Variants in ADRA1A observed in about 807,000 individuals in gnomAD.
ADRA1A encodes adrenoceptor alpha 1A.
In ADRA1A, 31 loss-of-function variants were observed where a neutral mutation model predicts 29.6. The observed-to-expected ratio is 1.05, with a 90% CI of 0.79 to 1.41. The LOEUF is 1.41. Ranked by LOEUF, ADRA1A falls within the 40% of genes most tolerant of loss-of-function variation. The pLI is 0.00. For missense variants in ADRA1A, 619 were observed against 601.1 expected, an observed-to-expected ratio of 1.03 and a Z score of -0.31; for synonymous variants, 311 against 254.3, an observed-to-expected ratio of 1.22 and a Z score of -2.12.
In ADRA1A at chr8:26,756,819, C is replaced by T. The variant is rs771249736; in HGVS notation, c.1270-40G>A. 80 of 1,601,650 alleles carry T rather than the reference C, an allele frequency of 5.0e-5. 1 individual carries two copies. The South Asian group carries it at 7.2e-4, about 14-fold the overall frequency. ...GTAGACTAACATTTAATTAATCATG[C>T]ATTTTTAATATCCTAGGCATCATGC... is the stretch of plus-strand genomic sequence containing the variant. On this transcript the variant is annotated intron_variant, in intron 2 of 2. Transcript: ENST00000380582.
downstream of ADRA1A, among the ~76,000 whole-genome samples, chr8:26,766,629 G>A (rs200014871): frequency 6.6e-6 from 1 of 152,150 alleles, no homozygotes; most frequent in Admixed American, 6.6e-5. Flanking sequence ...TAATCCAAAT[G>A]GGAAAACGTT....
intron 2 of ADRA1A, among the ~76,000 whole-genome samples, chr8:26,822,030 C>T (rs1348823993): frequency 6.6e-6 from 1 of 152,136 alleles, no homozygotes; most frequent in Admixed American, 6.6e-5. Context: ...GGGGCTATTA[C>T]AAATAAAGCT....
In ADRA1A at chr8:26,841,937, G is replaced by T. The variant is rs1429980313; in HGVS notation, c.883+22150C>A. On this transcript the variant is annotated intron_variant, in intron 2 of 2. Coordinates refer to ENST00000380573, the MANE Select transcript of ADRA1A (RefSeq NM_000680.4). The surrounding 1 kb of genome is among the most constrained non-coding windows in gnomAD (Gnocchi z 4.4). ...GAGTCTCCCACTTTTCCAAAACGTT[G>T]TGCAAGTTCTGCTTGTTTTTTCTTC... Among the ~76,000 whole-genome samples, 1 of 152,086 alleles carries T rather than the reference G, an allele frequency of 6.6e-6. No homozygotes were observed. Among genetic ancestry groups the T allele is most frequent in the Non-Finnish European group, 1.5e-5 (1 of 68,022 alleles).
chr8:26,755,538 A>G (rs977074500), downstream of ADRA1A, among the ~76,000 whole-genome samples: 4 of 152,156 alleles, frequency 2.6e-5, no homozygotes, highest in Non-Finnish European at 5.9e-5. Context: ...CACACGCCTG[A>G]GGTTCACCAG....
Position 26,860,849 on chromosome 8 carries a change from T to A in ADRA1A, c.883+3238A>T, listed in dbSNP as rs1361508807. ...CTATCCCATCGTTCCCATCAGAATA[T>A]AAATATCATGTCATATCCCCACCTC... On this transcript the variant is annotated intron_variant, in intron 2 of 2. Coordinates refer to ENST00000380573, the MANE Select transcript of ADRA1A (RefSeq NM_000680.4). The surrounding 1 kb of genome is among the most constrained non-coding windows in gnomAD (Gnocchi z 4.7). 6.6e-6 allele frequency among the ~76,000 whole-genome samples: 1 copy of A among 152,100 alleles called. No homozygotes were observed. Among genetic ancestry groups the A allele is most frequent in the Non-Finnish European group, 1.5e-5 (1 of 68,034 alleles).
chr8:26,840,168 C>T (rs893442703), intron 2 of ADRA1A, among the ~76,000 whole-genome samples: 1 of 152,146 alleles, frequency 6.6e-6, no homozygotes. Context: ...GCTTTAATTC[C>T]CTTCCAATGG....
Position 26,769,462 on chromosome 8 carries a change from C to T in ADRA1A, c.*687G>A, listed in dbSNP as rs796206974. 1.6e-5 allele frequency: 16 copies of T among 985,306 alleles called. No individual in the cohort carries two copies. The highest frequency in any genetic ancestry group is 1.7e-5 in the Non-Finnish European group (14 of 829,948). The allele number at this position is 985,306 out of a possible 1,614,324, so 61.0% of individuals were successfully genotyped here. ...CCCTGGTTGGTTCTTTCAACCCTCT[C>T]CTGACCCAAGGATAGAGAACACTAC... On this transcript the variant is annotated 3_prime_UTR_variant, in exon 3 of 3. Coordinates refer to ENST00000380573, the MANE Select transcript of ADRA1A (RefSeq NM_000680.4).
intron 2 of ADRA1A, among the ~76,000 whole-genome samples, chr8:26,855,217 A>ATGTGTG (rs56268237): frequency 0.16 from 21,203 of 133,058 alleles, 1,837 homozygotes; most frequent in South Asian, 0.27. Context: ...GTGTGCATGC[A>ATGTGTG]TGTGTGTGTG....
chr8:26,780,386 T>G (rs1198239971), intron 2 of ADRA1A, among the ~76,000 whole-genome samples: 2 of 152,168 alleles, frequency 1.3e-5, no homozygotes, highest in Non-Finnish European at 2.9e-5. Context: ...ACTCTAACTT[T>G]GTTAGTTCAC....
intron 2 of ADRA1A, among the ~76,000 whole-genome samples, chr8:26,810,897 C>G (rs72609965): frequency 6.6e-6 from 1 of 152,162 alleles, no homozygotes; most frequent in African/African-American, 2.4e-5. Context: ...GTTGAAAAAT[C>G]AATTACCTGA....
chr8:26,804,403 T>C (rs545258203), intron 2 of ADRA1A, among the ~76,000 whole-genome samples: 7 of 152,260 alleles, frequency 4.6e-5, no homozygotes, highest in African/African-American at 1.7e-4. Context: ...ATTATACCTA[T>C]TACTCTAGAA....
At chr8:26,777,056 A>T (rs1325568311) in intron 2 of ADRA1A, among the ~76,000 whole-genome samples, 1 of 152,000 alleles carries the variant, frequency 6.6e-6, no homozygotes, top group Non-Finnish European at 1.5e-5. Flanking sequence ...ATCAAATTAA[A>T]CCCCAGAGAC....
chr8:26,839,963 C>A (rs188459161), intron 2 of ADRA1A, among the ~76,000 whole-genome samples: 2 of 152,284 alleles, frequency 1.3e-5, no homozygotes, highest in African/African-American at 2.4e-5. Flanking sequence ...ATAGGAGACA[C>A]CTTTGTACGG....
chr8:26,761,500 C>T (rs140451411), downstream of ADRA1A, among the ~76,000 whole-genome samples: 8 of 152,220 alleles, frequency 5.3e-5, no homozygotes, highest in Middle Eastern at 3.4e-3. Context: ...CCAATAAAAC[C>T]GGTGTCCTTA....
chr8:26,864,097 G>A lies in ADRA1A; in HGVS notation c.873C>T (p.Val291=). ...GTGTTCAAGACTTACCAATGGGCAT[G>A]ACTAAGAAAAAAGGCAGCCAGCAGA... ...FVLCWLPFFL[V]MPIGSFFPDF... The change falls in exon 2 of 3, where the codon GTC becomes GTT. Residue 291 remains valine, a synonymous_variant. Transcript: ENST00000380573. This position sits in a 1 kb window ranked among gnomAD's most constrained non-coding sequence, Gnocchi z 8.1. 1 of 1,613,166 alleles carries A rather than the reference G, an allele frequency of 6.2e-7. No homozygotes were observed. The highest frequency in any genetic ancestry group is 8.5e-7 in the Non-Finnish European group (1 of 1,179,626).
intron 2 of ADRA1A, among the ~76,000 whole-genome samples, chr8:26,777,136 C>T (rs1428238389): frequency 6.6e-6 from 1 of 152,174 alleles, no homozygotes; most frequent in African/African-American, 2.4e-5. Flanking sequence ...CTACTTTGGC[C>T]TGAACCCTCC....
At chr8:26,854,857 C>G (rs550960256) in intron 2 of ADRA1A, among the ~76,000 whole-genome samples, 40 of 152,222 alleles carry the variant, frequency 2.6e-4, no homozygotes, top group African/African-American at 9.6e-4. Context: ...GAATCCTGGC[C>G]CCCAGTGTGA....
At chr8:26,828,300 C>G (rs944186625) in intron 2 of ADRA1A, among the ~76,000 whole-genome samples, 1 of 151,814 alleles carries the variant, frequency 6.6e-6, no homozygotes, top group African/African-American at 2.4e-5. Context: ...TTTCTTTTGT[C>G]GAGAATAAAG....
chr8:26,826,539 T>A (rs1810585885), intron 2 of ADRA1A, among the ~76,000 whole-genome samples: 1 of 152,272 alleles, frequency 6.6e-6, no homozygotes, highest in South Asian at 2.1e-4. Flanking sequence ...TTTGTTATCT[T>A]GATTTTAAAG....
Sources: gnomAD v4.1 joint callset for allele counts (sites outside exome capture counted in the v4.1 genomes callset) on GRCh38, gnomAD v4.1.1 for gene constraint, Gnocchi (gnomAD v3.1) non-coding constraint, MANE v1.5 for transcripts, NCBI Gene and HGNC (gene_info 2026-07-23, HGNC 2026-07-21) for gene names.